CTNNA3: variants seen among roughly 807,000 people sequenced by gnomAD.
CTNNA3 encodes catenin alpha-3.
A neutral mutation model predicts 95.7 loss-of-function variants in CTNNA3; 76 were observed. That is an observed-to-expected ratio of 0.79 (90% CI 0.66 to 0.96). The LOEUF (loss-of-function observed/expected upper bound fraction) is 0.96, where lower values mean the gene tolerates loss of function less well. Among genes scored for constraint, CTNNA3 ranks in the 40% least tolerant of loss-of-function variants. CTNNA3 has a pLI of 0.00. For missense variants in CTNNA3, 1,191 were observed against 1,089.8 expected, an observed-to-expected ratio of 1.09 and a Z score of -1.31; for synonymous variants, 431 against 374.4, an observed-to-expected ratio of 1.15 and a Z score of -1.74.
chr10:67,500,691 T>C (rs1839199941), intron 5 of CTNNA3, among the ~76,000 whole-genome samples: 1 of 152,262 alleles, frequency 6.6e-6, no homozygotes, highest in African/African-American at 2.4e-5. Context: ...TACCTTTATT[T>C]GTCTTTTTTT....
At chr10:66,193,100 G>T (rs2086768208) in intron 13 of CTNNA3, among the ~76,000 whole-genome samples, 1 of 152,074 alleles carries the variant, frequency 6.6e-6, no homozygotes, top group Non-Finnish European at 1.5e-5. Context: ...CATTTACAAG[G>T]TCTATTGGGA....
chr10:66,250,706 TCAA>T (rs2090515497), intron 13 of CTNNA3, among the ~76,000 whole-genome samples: 1 of 152,130 alleles, frequency 6.6e-6, no homozygotes, highest in Admixed American at 6.6e-5. Flanking sequence ...CTATAGCTAC[TCAA>T]CTACTCTTTG....
chr10:66,004,527 T>C (rs532254282), intron 15 of CTNNA3, among the ~76,000 whole-genome samples: 2 of 152,194 alleles, frequency 1.3e-5, no homozygotes, highest in Non-Finnish European at 2.9e-5. Context: ...GACCATCCGA[T>C]GTTCCCTAGA....
At chr10:66,085,458 G>T (rs1438336381) in intron 14 of CTNNA3, among the ~76,000 whole-genome samples, 1 of 151,966 alleles carries the variant, frequency 6.6e-6, no homozygotes, top group Non-Finnish European at 1.5e-5. Context: ...CATCTTGTCT[G>T]TATAATAAGT....
chr10:66,954,515 C>A (rs1190213993), intron 7 of CTNNA3, among the ~76,000 whole-genome samples: 1 of 152,148 alleles, frequency 6.6e-6, no homozygotes, highest in Non-Finnish European at 1.5e-5. Context: ...AATATTAATG[C>A]TGACCTCTTA....
chr10:67,341,430 AGT>A (rs1842185932), intron 5 of CTNNA3, among the ~76,000 whole-genome samples: 1 of 152,178 alleles, frequency 6.6e-6, no homozygotes, highest in Non-Finnish European at 1.5e-5. Context: ...CCCACAAATA[AGT>A]GAGAACATGC....
At chr10:66,001,226 A>G (rs2078764429) in intron 15 of CTNNA3, among the ~76,000 whole-genome samples, 1 of 152,024 alleles carries the variant, frequency 6.6e-6, no homozygotes, top group African/African-American at 2.4e-5. Flanking sequence ...CTTTCTTGAG[A>G]TATTATTACT....
At chr10:66,972,560 G>A (rs1589521994) in intron 7 of CTNNA3, among the ~76,000 whole-genome samples, 1 of 151,870 alleles carries the variant, frequency 6.6e-6, no homozygotes, top group Admixed American at 6.6e-5. Context: ...GTCATTAACA[G>A]GCCCATCCAG....
intron 4 of CTNNA3, among the ~76,000 whole-genome samples, chr10:67,536,112 C>T (rs1840479253): frequency 1.3e-5 from 2 of 151,868 alleles, no homozygotes; most frequent in South Asian, 2.1e-4. Context: ...AAAAGTCATA[C>T]AAAGAAATGT....
chr10:66,545,907 T>C (rs957668645), intron 10 of CTNNA3, among the ~76,000 whole-genome samples: 32 of 150,862 alleles, frequency 2.1e-4, no homozygotes, highest in Non-Finnish European at 4.6e-4. Flanking sequence ...TCTACAAACA[T>C]ATACGTATGT....
At chr10:66,358,891 T>C (rs1309649176) in intron 12 of CTNNA3, among the ~76,000 whole-genome samples, 3 of 152,214 alleles carry the variant, frequency 2.0e-5, no homozygotes, top group Non-Finnish European at 4.4e-5. Flanking sequence ...TTATAAAACT[T>C]ACAGTTGTAT....
At chr10:66,087,059 T>C (rs2081011535) in intron 14 of CTNNA3, among the ~76,000 whole-genome samples, 1 of 152,096 alleles carries the variant, frequency 6.6e-6, no homozygotes, top group African/African-American at 2.4e-5. Flanking sequence ...GATTCCTTCT[T>C]CCTTTTCCTT....
intron 1 of CTNNA3, among the ~76,000 whole-genome samples, chr10:67,687,406 A>C (rs988532812): frequency 6.6e-6 from 1 of 152,160 alleles, no homozygotes; most frequent in East Asian, 1.9e-4. Flanking sequence ...TCTTTTTTAA[A>C]GTGTCCTTGC....
intron 13 of CTNNA3, among the ~76,000 whole-genome samples, chr10:66,174,748 C>T (rs1470062042): frequency 1.3e-5 from 2 of 152,002 alleles, no homozygotes; most frequent in African/African-American, 2.4e-5. Flanking sequence ...GGTCCTGGAA[C>T]CAATCCCCCA....
chr10:66,880,709 A>C (rs1180493512), intron 7 of CTNNA3, among the ~76,000 whole-genome samples: 1 of 152,080 alleles, frequency 6.6e-6, no homozygotes, highest in African/African-American at 2.4e-5. Flanking sequence ...GTTTCATTAG[A>C]TTAACTGTGG....
chr10:66,042,967 A>G (rs1029116997), intron 15 of CTNNA3, among the ~76,000 whole-genome samples: 2 of 149,472 alleles, frequency 1.3e-5, no homozygotes, highest in African/African-American at 4.9e-5. Context: ...ATTGGAGAAC[A>G]GGACTATTAG....
intron 1 of CTNNA3, among the ~76,000 whole-genome samples, chr10:67,653,760 G>T (rs1251881582): frequency 6.6e-6 from 1 of 151,978 alleles, no homozygotes; most frequent in Non-Finnish European, 1.5e-5. Flanking sequence ...ATAACCCTGG[G>T]CAAAAGCTTC....
chr10:66,527,498 T>G (rs531685195), intron 10 of CTNNA3, among the ~76,000 whole-genome samples: 1 of 152,130 alleles, frequency 6.6e-6, no homozygotes, highest in Non-Finnish European at 1.5e-5. Flanking sequence ...ATTGCTTTGG[T>G]TAGTATTATC....
At chr10:67,305,602 T>A (rs1029450877) in intron 5 of CTNNA3, among the ~76,000 whole-genome samples, 6 of 151,762 alleles carry the variant, frequency 4.0e-5, no homozygotes, top group Middle Eastern at 3.4e-3. Flanking sequence ...TGTAAAAAAA[T>A]AAATAAATAA....
Sources: allele counts gnomAD v4.1 joint callset (sites outside exome capture counted in the v4.1 genomes callset), GRCh38; gene constraint gnomAD v4.1.1; transcripts MANE v1.5; gene names NCBI Gene and HGNC (gene_info 2026-07-23, HGNC 2026-07-21).